BCAS1: variants seen among roughly 807,000 people sequenced by gnomAD.
The protein encoded by BCAS1 is brain enriched myelin associated protein 1.
Under a neutral mutation model 65.4 loss-of-function variants are expected in BCAS1, and 46 were observed. The observed-to-expected ratio is 0.70, with a 90% CI of 0.55 to 0.90. The LOEUF is 0.90. BCAS1 is among the 40% of genes least tolerant of loss of function. BCAS1 has a pLI of 0.00. For missense variants in BCAS1, 793 were observed against 771.2 expected (o/e 1.03, Z -0.33); for synonymous variants, 298 against 293.5 (o/e 1.02, Z -0.16).
In BCAS1 at chr20:54,067,527, A is replaced by G. The variant is rs2092459206; in HGVS notation, c.-6+2906T>C. ...TATTCATTTATCTTATTATTGTTAT[A>G]ATTGAGTTAGTTCTGTGTTCTGATC... On this transcript the variant is annotated intron_variant, in intron 1 of 12. Transcript: ENST00000688948. Among the ~76,000 whole-genome samples the G allele has an allele frequency of 4.6e-5, 7 of 152,302 alleles. No homozygotes were observed. The South Asian group carries it at 1.5e-3, about 32-fold the overall frequency.
chr20:54,015,602 A>G (rs1175442800), intron 4 of BCAS1, among the ~76,000 whole-genome samples: 1 of 152,226 alleles, frequency 6.6e-6, no homozygotes, highest in Non-Finnish European at 1.5e-5. Context: ...ACTTAGGACA[A>G]CATTTCTCTT....
intron 1 of BCAS1, among the ~76,000 whole-genome samples, chr20:54,065,722 A>G (rs1370290698): frequency 3.9e-5 from 6 of 152,156 alleles, no homozygotes; most frequent in Admixed American, 3.9e-4. Flanking sequence ...GAAATAGCGC[A>G]AGCCCTCTGC....
intron 4 of BCAS1, among the ~76,000 whole-genome samples, chr20:54,010,536 CAT>C (rs905707523): frequency 3.3e-5 from 5 of 152,086 alleles, no homozygotes; most frequent in African/African-American, 1.2e-4. Flanking sequence ...TCTCACAAAA[CAT>C]GTGCAAAACT....
At chr20:53,967,521 TAAAG>T (rs2090066553) in intron 9 of BCAS1, among the ~76,000 whole-genome samples, 1 of 152,232 alleles carries the variant, frequency 6.6e-6, no homozygotes, top group Non-Finnish European at 1.5e-5. Flanking sequence ...CCTGCAACTA[TAAAG>T]AAACTGTCCT....
intron 7 of BCAS1, among the ~76,000 whole-genome samples, chr20:53,986,287 G>A (rs997303780): frequency 3.3e-5 from 5 of 151,880 alleles, no homozygotes; most frequent in Non-Finnish European, 7.4e-5. Context: ...TCTCTGAGCA[G>A]CTGCACTGAA....
At chr20:53,989,194 C>T (rs368173195) in intron 7 of BCAS1, among the ~76,000 whole-genome samples, 1 of 151,910 alleles carries the variant, frequency 6.6e-6, no homozygotes, top group East Asian at 1.9e-4. Context: ...ATGGTGAGGG[C>T]TGATACTGAG....
intron 9 of BCAS1, among the ~76,000 whole-genome samples, chr20:53,968,656 T>C (rs907575706): frequency 2.0e-5 from 3 of 152,208 alleles, no homozygotes; most frequent in Admixed American, 1.3e-4. Context: ...TAGTATTTTC[T>C]TTTTTGTAAA....
chr20:53,947,686 G>A (rs1404634920), intron 12 of BCAS1, among the ~76,000 whole-genome samples: 4 of 152,054 alleles, frequency 2.6e-5, no homozygotes, highest in South Asian at 4.1e-4. Flanking sequence ...GTGGGGTGCC[G>A]GCTTCTGTCC....
chr20:54,070,132 T>A (rs955468554), intron 1 of BCAS1, among the ~76,000 whole-genome samples: 3 of 152,214 alleles, frequency 2.0e-5, no homozygotes, highest in Non-Finnish European at 4.4e-5. Context: ...CCCCATGTCC[T>A]GTGCTTGAAA....
chr20:54,028,282 C>T (rs1463131587), intron 4 of BCAS1, 110 bp downstream of exon 4: 10 of 1,100,770 alleles, frequency 9.1e-6, no homozygotes, highest in Non-Finnish European at 1.4e-5. Context: ...GGGTCAACAG[C>T]TTGCCACCTT....
chr20:54,015,551 A>G (rs2091419412), intron 4 of BCAS1, among the ~76,000 whole-genome samples: 1 of 152,166 alleles, frequency 6.6e-6, no homozygotes. Context: ...AGACAGCACA[A>G]CCATAGGAAA....
chr20:53,954,005 T>G (rs547493614), intron 11 of BCAS1, among the ~76,000 whole-genome samples: 29 of 152,296 alleles, frequency 1.9e-4, no homozygotes, highest in African/African-American at 7.0e-4. Context: ...ATCTACTCCG[T>G]GTGGTCCAGG....
At chr20:53,992,388 T>A in intron 7 of BCAS1, 124 bp downstream of exon 7, 4 of 748,916 alleles carry the variant, frequency 5.3e-6, no homozygotes, top group Non-Finnish European at 7.5e-6. Flanking sequence ...TTAATTCTCT[T>A]TTAATGATCC....
intron 4 of BCAS1, among the ~76,000 whole-genome samples, chr20:54,014,410 C>G (rs919421524): frequency 3.3e-5 from 5 of 152,180 alleles, no homozygotes; most frequent in African/African-American, 1.2e-4. Flanking sequence ...ATTTGATTGT[C>G]TGTAATAAGG....
chr20:54,007,088 A>T (rs2091214006), intron 4 of BCAS1, among the ~76,000 whole-genome samples: 2 of 152,322 alleles, frequency 1.3e-5, no homozygotes, highest in South Asian at 4.1e-4. Context: ...TCTGATCCCC[A>T]GCCTGGGTCC....
intron 10 of BCAS1, among the ~76,000 whole-genome samples, chr20:53,963,882 G>A (rs1014623017): frequency 3.5e-4 from 53 of 152,236 alleles, no homozygotes; most frequent in African/African-American, 2.4e-5. Context: ...GTGCATAGAA[G>A]TAAGTGTGTG....
intron 4 of BCAS1, among the ~76,000 whole-genome samples, chr20:54,003,911 C>A (rs187560232): frequency 3.8e-4 from 58 of 152,276 alleles, no homozygotes; most frequent in African/African-American, 1.4e-3. Flanking sequence ...TAACTGGGAT[C>A]CAAGCGGTTA....
At chr20:54,051,793 C>T (rs1041127285) in intron 3 of BCAS1, among the ~76,000 whole-genome samples, 6 of 151,404 alleles carry the variant, frequency 4.0e-5, no homozygotes, top group Non-Finnish European at 7.4e-5. Context: ...GCTGGAGTGC[C>T]GTGGCACGAT....
chr20:53,957,428 T>C lies in BCAS1; in HGVS notation c.1551+4A>G, dbSNP rs2089733755. 2 of 1,613,134 alleles carry C rather than the reference T, an allele frequency of 1.2e-6. No individual in the cohort carries two copies. The highest frequency in any genetic ancestry group is 1.7e-5 in the Admixed American group (1 of 60,010). ...ACCACCAAACTGAGTTCGAGGTCAC[T>C]TACTTGGCAGCTGGAGTCTTTCCCA... is the stretch of plus-strand genomic sequence containing the variant. On this transcript the variant is annotated splice_donor_region_variant and intron_variant, in intron 11 of 12. Transcript: ENST00000688948.
Sources: gnomAD v4.1 joint callset for allele counts (sites outside exome capture counted in the v4.1 genomes callset) on GRCh38, gnomAD v4.1.1 for gene constraint, MANE v1.5 for transcripts, NCBI Gene and HGNC (gene_info 2026-07-23, HGNC 2026-07-21) for gene names.